HDHD3: variants seen among roughly 807,000 people sequenced by gnomAD.
HDHD3 encodes haloacid dehalogenase-like hydrolase domain-containing protein 3.
HDHD3 carries 6 observed loss-of-function variants against 6.9 expected under a neutral mutation model. The ratio of observed to expected loss-of-function variants is 0.87; its 90% CI spans 0.48 to 1.72. HDHD3 has a LOEUF of 1.72. Ranked by LOEUF, HDHD3 falls within the 40% of genes most tolerant of loss-of-function variation. The probability of loss-of-function intolerance (pLI) is 0.01; values close to 1 mark genes in which losing one functional copy is unlikely to be tolerated. For synonymous variants in HDHD3, 139 were observed against 140.7 expected (o/e 0.99, Z 0.08); for missense variants, 308 against 327.4 (o/e 0.94, Z 0.46).
chr9:113,375,004 C>T (rs1460573470), intron 2 of HDHD3, among the ~76,000 whole-genome samples: 8 of 152,196 alleles, frequency 5.3e-5, no homozygotes, highest in Non-Finnish European at 5.9e-5. Flanking sequence ...GCTGGGGCTA[C>T]AGGCACGTGC....
intron 1 of HDHD3, chr9:113,376,126 G>A (rs967637916): frequency 4.3e-5 from 6 of 140,528 alleles, no homozygotes; most frequent in African/African-American, 8.1e-5. Flanking sequence ...GCGCGATCTC[G>A]GCTCACTGCA....
chr9:113,373,588 C>T lies in HDHD3; in HGVS notation c.*11G>A. ...CCATGGCCTAGGGCCCAGCCACTTC[C>T]CTCACTGGCCTCAAAGCCCTGGAGT... On this transcript the variant is annotated 3_prime_UTR_variant, in exon 3 of 3. Coordinates refer to ENST00000374180, the MANE Select transcript of HDHD3 (RefSeq NM_001304509.2). 1 of 1,542,756 alleles carries T rather than the reference C, an allele frequency of 6.5e-7. No homozygotes were observed. The highest frequency in any genetic ancestry group is 8.7e-7 in the Non-Finnish European group (1 of 1,145,656).
Position 113,374,414 on chromosome 9 carries a change from C to CT in HDHD3, c.-61dup. ...GTCCCACGGTGGGTCCCAGGGGAAG[C>CT]TGAGCTGGATAAGACCACCTCTGCG... On this transcript the variant is annotated 5_prime_UTR_variant, in exon 3 of 3. Transcript: ENST00000374180. 1 of 1,459,842 alleles carries CT rather than the reference C, an allele frequency of 6.9e-7. No homozygotes were observed. Among genetic ancestry groups the CT allele is most frequent in the Non-Finnish European group, 9.1e-7 (1 of 1,098,920 alleles). The allele number at this position is 1,459,842 out of a possible 1,614,324, so 90.4% of individuals were successfully genotyped here.
At chr9:113,376,361 T>C (rs1035683238) in intron 1 of HDHD3, among the ~76,000 whole-genome samples, 6 of 137,766 alleles carry the variant, frequency 4.4e-5, no homozygotes, top group African/African-American at 1.7e-4. Context: ...TTTCTTTTTT[T>C]TTTTTTTTGA....
At position 113,373,554 on chromosome 9, in the gene HDHD3, A is replaced by C; in HGVS notation, c.*45T>G. 6.6e-7 allele frequency: 1 copy of C among 1,508,998 alleles called. No homozygotes were observed. Among genetic ancestry groups the C allele is most frequent in the Non-Finnish European group, 8.8e-7 (1 of 1,131,512 alleles). 93.5% of individuals were successfully genotyped at this position (1,508,998 alleles called of 1,614,324 possible). On this transcript the variant is annotated 3_prime_UTR_variant, in exon 3 of 3. Coordinates refer to ENST00000374180, the MANE Select transcript of HDHD3 (RefSeq NM_001304509.2). The stretch of plus-strand genomic sequence containing the variant: ...GCTCCCTGTCTCCAGGGTTTGTTTA[A>C]GGTTTTCTCCATGGCCTAGGGCCCA...
Position 113,373,789 on chromosome 9 carries a change from T to C in HDHD3, c.566A>G (p.His189Arg), listed in dbSNP as rs752079961. ...ATCGCAGAGGTAATTATCCCCAACA[T>C]GGGCTGCCACTACTGGTTCCATATG... ...LAHMEPVVAA[H>R]VGDNYLCDYQ... The change falls in exon 3 of 3, where the codon CAT becomes CGT. Residue 189 changes from histidine (H) to arginine (R), a missense_variant. Coordinates refer to ENST00000374180, the MANE Select transcript of HDHD3 (RefSeq NM_001304509.2). The C allele has an allele frequency of 6.2e-7, 1 of 1,612,112 alleles. No homozygotes were observed. The highest frequency in any genetic ancestry group is 1.1e-5 in the South Asian group (1 of 90,930).
At position 113,373,564 on chromosome 9, in the gene HDHD3, C is replaced by A; in HGVS notation, c.*35G>T. ...TCCAGGGTTTGTTTAAGGTTTTCTC[C>A]ATGGCCTAGGGCCCAGCCACTTCCC... On this transcript the variant is annotated 3_prime_UTR_variant, in exon 3 of 3. Transcript: ENST00000374180. The A allele has an allele frequency of 6.6e-7, 1 of 1,515,126 alleles. No individual in the cohort carries two copies. The highest frequency in any genetic ancestry group is 8.8e-7 in the Non-Finnish European group (1 of 1,134,080). The allele number at this position is 1,515,126 out of a possible 1,614,324, so 93.9% of individuals were successfully genotyped here.
chr9:113,376,025 G>A (rs1467416244), intron 1 of HDHD3: 1 of 151,246 alleles, frequency 6.6e-6, no homozygotes, highest in Non-Finnish European at 1.5e-5. Context: ...TAGAGCAGAG[G>A]GCTCTGGCTC....
Position 113,373,479 on chromosome 9 carries a change from A to G in HDHD3, c.*120T>C. ...CTGCTTTATTATCACAGTAGGTGACAAAGGCCGCAGGGAGAGGGGGAAAGG... is the reference window on the plus strand; with the variant it reads ...CTGCTTTATTATCACAGTAGGTGACGAAGGCCGCAGGGAGAGGGGGAAAGG... On this transcript the variant is annotated 3_prime_UTR_variant, in exon 3 of 3. Coordinates refer to ENST00000374180, the MANE Select transcript of HDHD3 (RefSeq NM_001304509.2). 3 of 1,129,628 alleles carry G rather than the reference A, an allele frequency of 2.7e-6. No individual in the cohort carries two copies. The highest frequency in any genetic ancestry group is 3.7e-6 in the Non-Finnish European group (3 of 803,344). 70.0% of individuals were successfully genotyped at this position (1,129,628 alleles called of 1,614,324 possible).
intron 2 of HDHD3, among the ~76,000 whole-genome samples, chr9:113,374,983 C>T (rs1834427124): frequency 6.6e-6 from 1 of 152,096 alleles, no homozygotes. Context: ...CCTGCTTTAG[C>T]CTCCCTAGTA....
At position 113,373,895 on chromosome 9, in the gene HDHD3, A is replaced by G. The variant is rs1834392686; in HGVS notation, c.460T>C (p.Phe154Leu). ...GCCTCGGAGGTCAGCACAAAGTCGA[A>G]GTGTTCACGCAGGCCAAGGCCCCCC... ...ILGGLGLREH[F>L]DFVLTSEAAG... The change falls in exon 3 of 3, where the codon TTC becomes CTC. Residue 154 changes from phenylalanine (F) to leucine (L), a missense_variant. Phe to Leu is a conservative substitution (Grantham distance 22). Transcript: ENST00000374180. 1 of 1,614,126 alleles carries G rather than the reference A, an allele frequency of 6.2e-7. No individual in the cohort carries two copies. The highest frequency in any genetic ancestry group is 1.7e-5 in the Admixed American group (1 of 60,004).
In HDHD3 at chr9:113,373,766, C is replaced by G; in HGVS notation, c.589G>C (p.Asp197His). Residue 197 changes from aspartate to histidine, a missense_variant, in exon 3 of 3, where the codon GAT (aspartate) becomes CAT (histidine). Asp to His is a moderately conservative substitution (Grantham distance 81, BLOSUM62 -1). Transcript: ENST00000374180. ...CCCACAGCCCGAGGCCCCTGGTAAT[C>G]GCAGAGGTAATTATCCCCAACATGG... ...AAHVGDNYLC[D>H]YQGPRAVGMH... 6.2e-7 allele frequency: 1 copy of G among 1,612,798 alleles called. No homozygotes were observed.
chr9:113,374,118 G>T lies in HDHD3; in HGVS notation c.237C>A (p.Val79=). The T allele has an allele frequency of 6.2e-7, 1 of 1,602,012 alleles. No homozygotes were observed. Among genetic ancestry groups the T allele is most frequent in the South Asian group, 1.1e-5 (1 of 90,722 alleles). Residue 79 remains valine (V), a synonymous_variant, in exon 3 of 3, where the codon GTC becomes GTA. Transcript: ENST00000374180. The part of the protein sequence containing the change: ...LTSRQWWLDV[V]LQTFHLAGVQ... ...CACCCGCCAGGTGGAAGGTCTGCAG[G>T]ACCACATCCAGCCACCACTGGCGGG...
At position 113,374,372 on chromosome 9, in the gene HDHD3, C is replaced by T. The variant is rs114000239; in HGVS notation, c.-18G>A. 4.0e-6 allele frequency: 6 copies of T among 1,502,082 alleles called. No individual in the cohort carries two copies. The African/African-American group carries it at 5.6e-5, about 14-fold the overall frequency. 93.0% of individuals were successfully genotyped at this position (1,502,082 alleles called of 1,614,324 possible). On this transcript the variant is annotated 5_prime_UTR_variant, in exon 3 of 3. It adds an upstream start codon to the 5' untranslated region. Coordinates refer to ENST00000374180, the MANE Select transcript of HDHD3 (RefSeq NM_001304509.2). ...TGTGCCATGGAGGAGGCCAAGTCCA[C>T]CCCAGTTCTGCCTCAGGTCCCACGG...
chr9:113,373,672 T>C lies in HDHD3; in HGVS notation c.683A>G (p.Glu228Gly), dbSNP rs774985727. The change falls in exon 3 of 3, where the codon GAA (glutamate) becomes GGA (glycine). Residue 228 changes from glutamate (E) to glycine (G), a missense_variant. Coordinates refer to ENST00000374180, the MANE Select transcript of HDHD3 (RefSeq NM_001304509.2). Reference sequence around the variant, plus strand: ...ATGGGCCAGAGAGGGGAGGATGTGTTCTTTAGGTACAGAATCCCTGACCAC... The same window carrying C: ...ATGGGCCAGAGAGGGGAGGATGTGTCCTTTAGGTACAGAATCCCTGACCAC... ...DPVVRDSVPK[E>G]HILPSLAHLL... 10 of 1,613,516 alleles carry C rather than the reference T, an allele frequency of 6.2e-6. No individual in the cohort carries two copies. The South Asian group carries it at 6.6e-5, about 11-fold the overall frequency.
At position 113,373,495 on chromosome 9, in the gene HDHD3, G is replaced by T; in HGVS notation, c.*104C>A. 1.6e-6 allele frequency: 2 copies of T among 1,264,974 alleles called. No homozygotes were observed. Among genetic ancestry groups the T allele is most frequent in the Non-Finnish European group, 2.2e-6 (2 of 923,570 alleles). The allele number at this position is 1,264,974 out of a possible 1,614,324, so 78.4% of individuals were successfully genotyped here. On this transcript the variant is annotated 3_prime_UTR_variant, in exon 3 of 3. Coordinates refer to ENST00000374180, the MANE Select transcript of HDHD3 (RefSeq NM_001304509.2). ...GTAGGTGACAAAGGCCGCAGGGAGAGGGGGAAAGGTCCAGAGCTGTGGAGA... is the reference window on the plus strand; with the variant it reads ...GTAGGTGACAAAGGCCGCAGGGAGATGGGGAAAGGTCCAGAGCTGTGGAGA...
intron 1 of HDHD3, 111 bp from the exon 2 acceptor site, chr9:113,375,678 G>C (rs1834441978): frequency 6.6e-6 from 1 of 152,320 alleles, no homozygotes; most frequent in African/African-American, 2.4e-5. Context: ...CCTAGGAGGA[G>C]AGCTGATGAG....
In HDHD3 at chr9:113,374,271, G is replaced by A. The variant is rs757250539; in HGVS notation, c.84C>T (p.Ala28=). 2.5e-6 allele frequency: 4 copies of A among 1,587,962 alleles called. No homozygotes were observed. The African/African-American group carries it at 4.0e-5, about 16-fold the overall frequency. The part of the protein sequence containing the change: ...LLRLRHPLGE[A]YATKARAHGL... ...CATGGGCCCGGGCCTTGGTGGCATA[G>A]GCCTCCCCTAAGGGGTGGCGGAGCC... The change falls in exon 3 of 3, where the codon GCC becomes GCT. Residue 28 remains alanine, a synonymous_variant. Transcript: ENST00000374180.
chr9:113,374,196 G>A lies in HDHD3; in HGVS notation c.159C>T (p.Tyr53=). The A allele has an allele frequency of 6.2e-7, 1 of 1,606,474 alleles. No homozygotes were observed. Among genetic ancestry groups the A allele is most frequent in the Non-Finnish European group, 8.5e-7 (1 of 1,174,970 alleles). The stretch of plus-strand genomic sequence containing the variant: ...TGGGGAAGCTGTGGCTCTGAGCCCT[G>A]TATGCCTGCCTGAAGCCTTGTTCCA... ...SALEQGFRQA[Y]RAQSHSFPNY... The change falls in exon 3 of 3, where the codon TAC becomes TAT. Residue 53 remains tyrosine, a synonymous_variant. Transcript: ENST00000374180.
Sources: gnomAD v4.1 joint callset for allele counts (sites outside exome capture counted in the v4.1 genomes callset) on GRCh38, gnomAD v4.1.1 for gene constraint, MANE v1.5 for transcripts, NCBI Gene and HGNC (gene_info 2026-07-23, HGNC 2026-07-21) for gene names.